Variants in THSD4 observed in about 807,000 individuals in gnomAD.
THSD4 encodes the protein thrombospondin type-1 domain-containing protein 4.
In THSD4, 69 loss-of-function variants were observed where a neutral mutation model predicts 119.0. The observed-to-expected ratio is 0.58, with a 90% CI of 0.48 to 0.71. The LOEUF (loss-of-function observed/expected upper bound fraction) is 0.71. Ranked by LOEUF, THSD4 falls within the 30% of genes least tolerant of loss-of-function variation. The pLI, the probability that THSD4 is intolerant of heterozygous loss-of-function variation, is 0.00. For missense variants in THSD4, 1,393 were observed against 1,391.1 expected (o/e 1.00, Z -0.02); for synonymous variants, 524 against 540.4 (o/e 0.97, Z 0.42).
chr15:71,666,322 C>CT (rs1485798069), intron 8 of THSD4, among the ~76,000 whole-genome samples: 6 of 152,150 alleles, frequency 3.9e-5, no homozygotes, highest in Non-Finnish European at 8.8e-5. Flanking sequence ...CTAGGATTCT[C>CT]TTTTTTTAAC....
At chr15:71,358,936 C>T (rs2045857551) in intron 6 of THSD4, among the ~76,000 whole-genome samples, 1 of 152,158 alleles carries the variant, frequency 6.6e-6, no homozygotes, top group African/African-American at 2.4e-5. Flanking sequence ...GTTCCTCTGT[C>T]CCTCCCCAGC....
At chr15:71,721,614 G>A (rs1158516696) in intron 8 of THSD4, among the ~76,000 whole-genome samples, 1 of 152,142 alleles carries the variant, frequency 6.6e-6, no homozygotes, top group African/African-American at 2.4e-5. Context: ...AGGTTGCAGT[G>A]AGCTGAGATT....
At chr15:71,131,917 G>A (rs1457347731) in intron 1 of THSD4, among the ~76,000 whole-genome samples, 1 of 152,166 alleles carries the variant, frequency 6.6e-6, no homozygotes, top group Non-Finnish European at 1.5e-5. Flanking sequence ...ATGGAAAAAG[G>A]GTCCCCAGAT....
chr15:71,195,082 A>T (rs2043707955), intron 3 of THSD4, among the ~76,000 whole-genome samples: 1 of 152,178 alleles, frequency 6.6e-6, no homozygotes, highest in South Asian at 2.1e-4. Context: ...CACTACTTTT[A>T]TGGGCAAGGC....
chr15:71,547,497 T>C (rs1474512377), intron 7 of THSD4: 1 of 1,549,660 alleles, frequency 6.5e-7, no homozygotes, highest in Admixed American at 2.0e-5. Flanking sequence ...CCAAATAAAA[T>C]ATCTTGTCAG....
At chr15:71,149,507 C>T (rs142953962) in intron 2 of THSD4, among the ~76,000 whole-genome samples, 151 of 152,162 alleles carry the variant, frequency 9.9e-4, no homozygotes, top group African/African-American at 3.5e-3. Flanking sequence ...CCTCGGCCTC[C>T]CAAAGTGCTG....
chr15:71,220,280 TA>T (rs1394833794), intron 4 of THSD4, among the ~76,000 whole-genome samples: 1 of 152,202 alleles, frequency 6.6e-6, no homozygotes, highest in Non-Finnish European at 1.5e-5. Flanking sequence ...ATTTGATGAA[TA>T]AATAGAATTT....
intron 6 of THSD4, among the ~76,000 whole-genome samples, chr15:71,330,667 T>TTTCC (rs1236427341): frequency 3.3e-5 from 5 of 152,212 alleles, no homozygotes; most frequent in Non-Finnish European, 7.3e-5. Flanking sequence ...CTGTTAGCGC[T>TTTCC]TTCCTTCCTG....
intron 7 of THSD4, among the ~76,000 whole-genome samples, chr15:71,630,046 A>G (rs73445757): frequency 0.035 from 5,332 of 152,178 alleles, 321 homozygotes; most frequent in African/African-American, 0.12. Context: ...TCCACTTTCC[A>G]AGCATCAAAC....
intron 7 of THSD4, among the ~76,000 whole-genome samples, chr15:71,531,453 G>A (rs1595862374): frequency 6.6e-6 from 1 of 152,162 alleles, no homozygotes; most frequent in East Asian, 1.9e-4. Context: ...ATGGATAGAA[G>A]TGGGTGAATT....
At chr15:71,257,090 A>C (rs1336232974) in intron 6 of THSD4, among the ~76,000 whole-genome samples, 4 of 152,128 alleles carry the variant, frequency 2.6e-5, no homozygotes, top group Non-Finnish European at 5.9e-5. Context: ...TACAAGGGGT[A>C]GTATGGGAGC....
At chr15:71,538,471 C>T (rs1225498731) in intron 7 of THSD4, among the ~76,000 whole-genome samples, 2 of 152,210 alleles carry the variant, frequency 1.3e-5, no homozygotes, top group Admixed American at 6.5e-5. Flanking sequence ...TTCATTATTA[C>T]GGCTTCGTGC....
chr15:71,540,135 CTTT>C (rs35668266), intron 7 of THSD4, among the ~76,000 whole-genome samples: 1,485 of 95,106 alleles, frequency 0.016, 17 homozygotes, highest in African/African-American at 0.049. Context: ...ATTTTATTTA[CTTT>C]TTTTTTTTTT....
At chr15:71,341,718 C>T in intron 6 of THSD4, 1 of 1,029,038 alleles carries the variant, frequency 9.7e-7, no homozygotes. Flanking sequence ...ACCATTTTCA[C>T]AGATTACCTC....
chr15:71,280,000 T>C (rs533818441), intron 6 of THSD4, among the ~76,000 whole-genome samples: 2 of 152,316 alleles, frequency 1.3e-5, no homozygotes, highest in East Asian at 3.9e-4. Context: ...CGAGATGCCA[T>C]GTGTAAAGCA....
intron 7 of THSD4, among the ~76,000 whole-genome samples, chr15:71,615,744 C>T (rs535851718): frequency 1.1e-4 from 16 of 152,218 alleles, no homozygotes; most frequent in South Asian, 2.1e-4. Flanking sequence ...TAAACAACAG[C>T]GAAAAGAGGC....
At chr15:71,455,796 A>G (rs938825067) in intron 7 of THSD4, among the ~76,000 whole-genome samples, 1 of 152,198 alleles carries the variant, frequency 6.6e-6, no homozygotes, top group African/African-American at 2.4e-5. Context: ...GGTGTCAAAG[A>G]CAAAATTGCT....
intron 8 of THSD4, among the ~76,000 whole-genome samples, chr15:71,705,506 C>A (rs780995036): frequency 6.6e-6 from 1 of 152,180 alleles, no homozygotes; most frequent in Non-Finnish European, 1.5e-5. Flanking sequence ...GTTCCATCAT[C>A]TCCTTGCATA....
At chr15:71,437,445 G>A (rs2047027340) in intron 7 of THSD4, among the ~76,000 whole-genome samples, 1 of 152,218 alleles carries the variant, frequency 6.6e-6, no homozygotes, top group Non-Finnish European at 1.5e-5. Flanking sequence ...ATGAGTTAAT[G>A]AAAACTCAAG....
Sources: gnomAD v4.1 joint callset for allele counts (sites outside exome capture counted in the v4.1 genomes callset) on GRCh38, gnomAD v4.1.1 for gene constraint, MANE v1.5 for transcripts, NCBI Gene and HGNC (gene_info 2026-07-23, HGNC 2026-07-21) for gene names.